CRLF3: variants seen among roughly 807,000 people sequenced by gnomAD.
The protein encoded by CRLF3 is cytokine receptor like factor 3.
CRLF3 carries 33 observed loss-of-function variants against 55.0 expected under a neutral mutation model. The ratio of observed to expected loss-of-function variants is 0.60; its 90% confidence interval spans 0.46 to 0.80. The LOEUF is 0.80. CRLF3 is among the 30% of genes least tolerant of loss of function. CRLF3 has a pLI of 0.00. For synonymous variants in CRLF3, 238 were observed against 196.8 expected, an observed-to-expected ratio of 1.21 and a Z score of -1.75; for missense variants, 494 against 538.4, an observed-to-expected ratio of 0.92 and a Z score of 0.82.
At chr17:30,811,803 CAAA>C (rs915710879) in intron 1 of CRLF3, among the ~76,000 whole-genome samples, 2 of 27,748 alleles carry the variant, frequency 7.2e-5, no homozygotes, top group African/African-American at 1.5e-4. Flanking sequence ...GACTCTGTCT[CAAA>C]AAAAAAAAAA....
At position 30,790,606 on chromosome 17, in the gene CRLF3, C is replaced by CTTTTTTTTTTTTTTT. The variant is rs573997612; in HGVS notation, c.959+1819_959+1833dup. 2 of 75,660 alleles carry CTTTTTTTTTTTTTTT rather than the reference C, an allele frequency of 2.6e-5. 1 individual carries two copies. Among genetic ancestry groups the CTTTTTTTTTTTTTTT allele is most frequent in the African/African-American group, 1.0e-4 (2 of 19,708 alleles). 4.7% of individuals were successfully genotyped at this position (75,660 alleles called of 1,614,324 possible). On this transcript the variant is annotated intron_variant, in intron 6 of 7. Coordinates refer to ENST00000324238, the MANE Select transcript of CRLF3 (RefSeq NM_015986.4). ...AATTCTTGGCCAGTAAATTTTTTTG[C>CTTTTTTTTTTTTTTT]TTTTTTTTTTTTTTTTTTTTTTTTT...
At chr17:30,808,278 T>A (rs1904484931) in intron 1 of CRLF3, among the ~76,000 whole-genome samples, 1 of 1,218 alleles carries the variant, frequency 8.2e-4, no homozygotes, top group African/African-American at 1.6e-3. Flanking sequence ...AGAACCTATA[T>A]TTTTTTTTTT....
Position 30,792,571 on chromosome 17 carries a change from C to T in CRLF3, c.828G>A (p.Glu276=), listed in dbSNP as rs769494529. 6.3e-7 allele frequency: 1 copy of T among 1,592,630 alleles called. No individual in the cohort carries two copies. The highest frequency in any genetic ancestry group is 8.6e-7 in the Non-Finnish European group (1 of 1,162,410). The change falls in exon 6 of 8, where the codon GAG becomes GAA. Residue 276 remains glutamate, a splice_region_variant and synonymous_variant. Coordinates refer to ENST00000324238, the MANE Select transcript of CRLF3 (RefSeq NM_015986.4). ...QIGHSTLVPH[E]WTAGFEGYSL... ...TGTACCCCTCAAAACCAGCTGTCCA[C>T]TCTTTTTCAAAGCAAAGATATTGAA...
At chr17:30,797,734 G>A (rs967444658) in intron 2 of CRLF3, among the ~76,000 whole-genome samples, 1 of 150,650 alleles carries the variant, frequency 6.6e-6, no homozygotes, top group African/African-American at 2.4e-5. Flanking sequence ...ATAGGAGCCA[G>A]TACAAAATAT....
At position 30,788,659 on chromosome 17, in the gene CRLF3, G is replaced by C. The variant is rs199560555; in HGVS notation, c.960-2628C>G. On this transcript the variant is annotated intron_variant, in intron 6 of 7. Coordinates refer to ENST00000324238, the MANE Select transcript of CRLF3 (RefSeq NM_015986.4). ...ATCTCACTCTGTTGCCCCGGCTAGA[G>C]TACAGTGGCGTGATCTCGGCTCACT... Among the ~76,000 whole-genome samples the C allele has an allele frequency of 1.8e-4, 24 of 132,754 alleles. No homozygotes were observed. In the East Asian group the frequency reaches 5.4e-3, roughly 30 times the overall value. The allele number at this position is 132,754 out of a possible 152,430, so 87.1% of individuals were successfully genotyped here. A position where few individuals can be genotyped will look rare whatever the true frequency, so the allele number is the denominator to read the frequency against.
chr17:30,790,175 T>G (rs1267492265), intron 6 of CRLF3, among the ~76,000 whole-genome samples: 1 of 152,190 alleles, frequency 6.6e-6, no homozygotes, highest in African/African-American at 2.4e-5. Flanking sequence ...AATATTCAGA[T>G]ATTCTCCATG....
At chr17:30,809,382 C>A (rs757729689) in intron 1 of CRLF3, among the ~76,000 whole-genome samples, 1 of 152,138 alleles carries the variant, frequency 6.6e-6, no homozygotes, top group Non-Finnish European at 1.5e-5. Context: ...CACCTTTAAT[C>A]CAATCATGTA....
chr17:30,813,030 C>T (rs965668678), intron 1 of CRLF3, among the ~76,000 whole-genome samples: 1 of 152,116 alleles, frequency 6.6e-6, no homozygotes, highest in African/African-American at 2.4e-5. Context: ...CCAAGCAAAA[C>T]CAGGAGAACT....
intron 3 of CRLF3, 73 bp from the exon 4 acceptor site, chr17:30,796,410 A>ATC: frequency 8.1e-7 from 1 of 1,241,760 alleles, no homozygotes; most frequent in Non-Finnish European, 1.1e-6. Flanking sequence ...ATTTTAGAGC[A>ATC]GTCACATGCT....
At chr17:30,806,481 G>A (rs912736495) in intron 1 of CRLF3, among the ~76,000 whole-genome samples, 1 of 152,112 alleles carries the variant, frequency 6.6e-6, no homozygotes, top group Admixed American at 6.6e-5. Flanking sequence ...GTGTATGGAT[G>A]GAGTTCTCAT....
intron 1 of CRLF3, among the ~76,000 whole-genome samples, chr17:30,823,855 AG>A (rs1248492102): frequency 2.6e-5 from 4 of 152,186 alleles, no homozygotes; most frequent in Admixed American, 2.6e-4. Context: ...CCCTCTCTCA[AG>A]GAAAAGGAAA....
chr17:30,791,282 G>T (rs1971794391), intron 6 of CRLF3, among the ~76,000 whole-genome samples: 1 of 151,666 alleles, frequency 6.6e-6, no homozygotes, highest in African/African-American at 2.4e-5. Context: ...TGTTGGCCAG[G>T]GTGGTGTCTT....
chr17:30,792,030 T>G (rs1971813083), intron 6 of CRLF3, among the ~76,000 whole-genome samples: 1 of 152,024 alleles, frequency 6.6e-6, no homozygotes, highest in Non-Finnish European at 1.5e-5. Context: ...GTATTTTTAG[T>G]AGAGATGGGG....
chr17:30,804,829 T>C (rs1904337859), intron 1 of CRLF3, among the ~76,000 whole-genome samples: 1 of 152,138 alleles, frequency 6.6e-6, no homozygotes, highest in African/African-American at 2.4e-5. Context: ...CTATGTCAAT[T>C]TGGTTAAGTT....
At chr17:30,787,335 T>C (rs1971671558) in intron 6 of CRLF3, 1 of 149,656 alleles carries the variant, frequency 6.7e-6, no homozygotes. Context: ...AAAAGAACTA[T>C]TATAATCCTA....
At chr17:30,789,211 G>C (rs1003648049) in intron 6 of CRLF3, among the ~76,000 whole-genome samples, 1 of 152,314 alleles carries the variant, frequency 6.6e-6, no homozygotes. Flanking sequence ...GGGGCCTGGT[G>C]ATGCATCTTT....
intron 1 of CRLF3, among the ~76,000 whole-genome samples, chr17:30,815,840 G>A (rs910743291): frequency 3.3e-5 from 5 of 151,018 alleles, no homozygotes; most frequent in East Asian, 2.0e-4. Context: ...CACTGAGCCC[G>A]GCCAGAATGG....
intron 4 of CRLF3, among the ~76,000 whole-genome samples, chr17:30,795,805 A>G (rs555391694): frequency 6.6e-6 from 1 of 152,174 alleles, no homozygotes; most frequent in Admixed American, 6.6e-5. Flanking sequence ...GTGTGATGGC[A>G]GGTGCCTATA....
At chr17:30,798,619 A>C (rs557450613) in intron 2 of CRLF3, among the ~76,000 whole-genome samples, 2 of 152,218 alleles carry the variant, frequency 1.3e-5, no homozygotes, top group East Asian at 1.9e-4. Flanking sequence ...CTGGTGGGTC[A>C]CCTGGGGTTG....
Sources: allele counts gnomAD v4.1 joint callset (sites outside exome capture counted in the v4.1 genomes callset), GRCh38; gene constraint gnomAD v4.1.1; transcripts MANE v1.5; gene names NCBI Gene and HGNC (gene_info 2026-07-23, HGNC 2026-07-21).